PDXDC1: variants seen among roughly 807,000 people sequenced by gnomAD.
The protein encoded by PDXDC1 is pyridoxal dependent decarboxylase domain containing 1.
Under a neutral mutation model 100.1 loss-of-function variants are expected in PDXDC1, and 42 were observed. The ratio of observed to expected loss-of-function variants is 0.42; its 90% CI spans 0.33 to 0.54. The LOEUF (loss-of-function observed/expected upper bound fraction) is 0.54. Among genes scored for constraint, PDXDC1 ranks in the 20% least tolerant of loss-of-function variants. The pLI, the probability that PDXDC1 is intolerant of heterozygous loss-of-function variation, is 0.10. For missense variants in PDXDC1, 636 were observed against 979.2 expected (o/e 0.65, Z 4.68); for synonymous variants, 260 against 371.7 (o/e 0.70, Z 3.46).
Position 15,036,259 on chromosome 16 carries a change from C to T in PDXDC1, c.2351C>T (p.Pro784Leu), listed in dbSNP as rs146871979. ...PEDDHSQVEGPESLR is the reference protein window; with the variant it reads ...PEDDHSQVEGLESLR ...GATGACCACTCACAGGTAGAAGGAC[C>T]GGAGAGCTTAAGATGAGACTCATTG... Residue 784 changes from proline (P) to leucine (L), a missense_variant, in exon 23 of 23, where the codon CCG (proline) becomes CTG (leucine). Around this residue, in one of 4 missense-constraint regions of PDXDC1, gnomAD observed 452 missense variants for 402.9 expected, o/e 1.12. Transcript: ENST00000396410. The T allele has an allele frequency of 6.4e-5, 104 of 1,613,588 alleles. No homozygotes were observed. Among genetic ancestry groups the T allele is most frequent in the African/African-American group, 5.2e-4 (39 of 74,870 alleles).
intron 16 of PDXDC1, among the ~76,000 whole-genome samples, chr16:15,068,657 T>G (rs1485176416): frequency 1.3e-5 from 2 of 152,214 alleles, no homozygotes; most frequent in African/African-American, 4.8e-5. Context: ...AAACAGCAAT[T>G]TGATTCTAGC....
intron 8 of PDXDC1, among the ~76,000 whole-genome samples, chr16:15,011,012 G>A (rs1359205611): frequency 1.3e-5 from 2 of 152,280 alleles, no homozygotes; most frequent in Non-Finnish European, 2.9e-5. Context: ...AAACTAATCT[G>A]TAGATTCAAC....
chr16:15,019,919 T>C (rs1252743571), intron 12 of PDXDC1, among the ~76,000 whole-genome samples: 1 of 152,250 alleles, frequency 6.6e-6, no homozygotes, highest in African/African-American at 2.4e-5. Flanking sequence ...AAGACCATCC[T>C]GGCTAACACG....
intron 14 of PDXDC1, 80 bp from the exon 15 acceptor site, chr16:15,028,798 A>T (rs2042827036): frequency 7.5e-7 from 1 of 1,334,590 alleles, no homozygotes; most frequent in South Asian, 1.3e-5. Context: ...TTGGGATGGG[A>T]ATGATGTGGG....
At chr16:15,058,456 G>C (rs1389953820) in intron 16 of PDXDC1, among the ~76,000 whole-genome samples, 1 of 152,218 alleles carries the variant, frequency 6.6e-6, no homozygotes, top group Admixed American at 6.5e-5. Flanking sequence ...GCCAGACATG[G>C]TGGCTCACGC....
rs1432490219 is a variant in PDXDC1, at chr16:14,990,013, G to A, written c.22-7740G>A. 7 of 1,474,778 alleles carry A rather than the reference G, an allele frequency of 4.7e-6. No individual in the cohort carries two copies. In the East Asian group the frequency reaches 9.3e-5, roughly 20 times the overall value. 91.4% of individuals were successfully genotyped at this position (1,474,778 alleles called of 1,614,324 possible). On this transcript the variant is annotated intron_variant, in intron 1 of 22. Transcript: ENST00000396410. Reference sequence around the variant, plus strand: ...CCCGGCTCACCCCAGGACCAGGGAAGCAGGTGCAGGCCGCCCGCCGCCCGC... The same window carrying A: ...CCCGGCTCACCCCAGGACCAGGGAAACAGGTGCAGGCCGCCCGCCGCCCGC...
At chr16:15,008,410 T>G (rs1242139856) in intron 6 of PDXDC1, among the ~76,000 whole-genome samples, 1 of 152,284 alleles carries the variant, frequency 6.6e-6, no homozygotes, top group Non-Finnish European at 1.5e-5. Context: ...CTTTAGCTGG[T>G]GTTATTTACC....
intron 1 of PDXDC1, among the ~76,000 whole-genome samples, chr16:14,995,521 T>C (rs1398270523): frequency 6.6e-6 from 1 of 152,300 alleles, no homozygotes; most frequent in Non-Finnish European, 1.5e-5. Flanking sequence ...AGCTTTTTCA[T>C]GTGCTGCTGG....
In PDXDC1 at chr16:15,072,778, G is replaced by T. The variant is rs574283007; in HGVS notation, c.1399+42722G>T. Among the ~76,000 whole-genome samples, 6 of 152,026 alleles carry T rather than the reference G, an allele frequency of 3.9e-5. No homozygotes were observed. The East Asian group carries it at 1.2e-3, about 29-fold the overall frequency. ...GCGAGACTGTGTCTCAAAAAAGAAAGGAAAAGAAAACAAAAAAAGAAAGGA... is the reference window on the plus strand; with the variant it reads ...GCGAGACTGTGTCTCAAAAAAGAAATGAAAAGAAAACAAAAAAAGAAAGGA... On this transcript the variant is annotated intron_variant, in intron 16 of 16. Coordinates refer to the PDXDC1 transcript ENST00000535621.
intron 16 of PDXDC1, chr16:15,127,981 C>G (rs1167768088): frequency 6.3e-7 from 1 of 1,581,318 alleles, no homozygotes; most frequent in Admixed American, 1.7e-5. Flanking sequence ...GAACATGGAA[C>G]GAGGCCTTAC....
chr16:15,144,157 C>T (rs2048517663), downstream of PDXDC1, among the ~76,000 whole-genome samples: 2 of 152,188 alleles, frequency 1.3e-5, no homozygotes, highest in Admixed American at 1.3e-4. Context: ...CTCCCGAGAG[C>T]AGGCCCAGGG....
rs1339648278 is a variant in PDXDC1, at chr16:15,038,012, C to CTTTGGTAATTCATGTTTT, written c.*1740_*1757dup. On this transcript the variant is annotated 3_prime_UTR_variant, in exon 23 of 23. Coordinates refer to ENST00000396410, the MANE Select transcript of PDXDC1 (RefSeq NM_015027.4). Reference sequence around the variant, plus strand: ...GTCTGTCAGGCCAAGAAGGTGCTTTCTTTGGTAATTCATGTTTTTTAACTT... The same window carrying CTTTGGTAATTCATGTTTT: ...GTCTGTCAGGCCAAGAAGGTGCTTTCTTTGGTAATTCATGTTTTTTTGGTAATTCATGTTTTTTAACTT... The CTTTGGTAATTCATGTTTT allele has an allele frequency of 6.3e-7, 1 of 1,599,714 alleles. No homozygotes were observed. The highest frequency in any genetic ancestry group is 1.7e-5 in the Admixed American group (1 of 58,594).
At chr16:15,136,194 C>T (rs2048340552) in intron 16 of PDXDC1, 1 of 743,444 alleles carries the variant, frequency 1.3e-6, no homozygotes, top group Non-Finnish European at 2.2e-6. Flanking sequence ...ACCCTCACAG[C>T]AGCCCGCTGG....
Position 15,035,460 on chromosome 16 carries a change from T to C in PDXDC1, c.2014T>C (p.Ser672Pro). The change falls in exon 22 of 23, where the codon TCC (serine) becomes CCC (proline). Residue 672 changes from serine (S) to proline (P), a missense_variant. By Grantham distance (74) the Ser-to-Pro change is moderately conservative. Transcript: ENST00000396410. ...CTCCTCTCCCGCAGGCTCTCTGGAG[T>C]CCACAGAACCCATATATGTCTACAA... The part of the protein sequence containing the change: ...TFNLTAGSLE[S>P]TEPIYVYKAQ... The C allele has an allele frequency of 6.2e-7, 1 of 1,605,010 alleles. No homozygotes were observed. Among genetic ancestry groups the C allele is most frequent in the Non-Finnish European group, 8.5e-7 (1 of 1,175,636 alleles).
intron 16 of PDXDC1, chr16:15,128,492 C>A: frequency 2.8e-6 from 2 of 704,694 alleles, no homozygotes; most frequent in Admixed American, 4.2e-5. Flanking sequence ...CTCAAGGAGC[C>A]ACACAGGCAG....
chr16:15,002,201 A>G (rs150476909), intron 4 of PDXDC1, among the ~76,000 whole-genome samples: 43 of 152,404 alleles, frequency 2.8e-4, no homozygotes, highest in African/African-American at 9.4e-4. Context: ...TTTCTCTTCA[A>G]TTATTTTAAA....
Position 15,031,922 on chromosome 16 carries a change from G to A in PDXDC1, c.1571+16G>A. 1 of 1,577,230 alleles carries A rather than the reference G, an allele frequency of 6.3e-7. No individual in the cohort carries two copies. Among genetic ancestry groups the A allele is most frequent in the Non-Finnish European group, 8.6e-7 (1 of 1,157,286 alleles). ...GGGTTGTCAGGTAAAGTCTTGGCCT[G>A]CCGCTTGATGTTGGAGACTTTTCTG... On this transcript the variant is annotated intron_variant, in intron 17 of 22. Transcript: ENST00000396410.
intron 16 of PDXDC1, among the ~76,000 whole-genome samples, chr16:15,096,717 G>GT (rs1167429555): frequency 6.6e-6 from 1 of 152,264 alleles, no homozygotes; most frequent in Admixed American, 6.5e-5. Context: ...GGATCTCATT[G>GT]TCTAGCCCAA....
the PDXDC1 span, among the ~76,000 whole-genome samples, chr16:15,150,072 C>T: frequency 7.2e-5 from 11 of 151,924 alleles, no homozygotes; most frequent in African/African-American, 1.9e-4. Context: ...AAAAGACAGG[C>T]GGTGGCTCAA....
Sources: allele counts gnomAD v4.1 joint callset (sites outside exome capture counted in the v4.1 genomes callset), GRCh38; gene constraint gnomAD v4.1.1; regional missense constraint gnomAD v4.1.1; transcripts MANE v1.5; gene names NCBI Gene and HGNC (gene_info 2026-07-23, HGNC 2026-07-21).